The following PTPRD variants were observed in gnomAD, a reference collection of about 807,000 sequenced individuals.
The protein encoded by PTPRD is protein tyrosine phosphatase receptor type D.
Under a neutral mutation model 214.5 loss-of-function variants are expected in PTPRD, and 34 were observed. That is an observed-to-expected ratio of 0.16 (90% CI 0.12 to 0.21). The LOEUF is 0.21. Among genes scored for constraint, PTPRD ranks in the 10% least tolerant of loss-of-function variants. The pLI is 1.00. For synonymous variants in PTPRD, 1,128 were observed against 845.7 expected (o/e 1.33, Z -5.79); for missense variants, 2,545 against 2,398.7 (o/e 1.06, Z -1.27).
chr9:9,673,684 AC>A (rs922088640), intron 7 of PTPRD, among the ~76,000 whole-genome samples: 2 of 151,668 alleles, frequency 1.3e-5, no homozygotes, highest in African/African-American at 4.8e-5. Flanking sequence ...ATCTATAGAT[AC>A]AGGAATCAAA....
intron 5 of PTPRD, among the ~76,000 whole-genome samples, chr9:9,780,618 T>C (rs1437850987): frequency 2.0e-5 from 3 of 152,210 alleles, no homozygotes; most frequent in Non-Finnish European, 4.4e-5. Context: ...ACAGGCACTT[T>C]GGAAGACAGT....
chr9:8,787,784 T>A (rs1197103804), intron 11 of PTPRD, among the ~76,000 whole-genome samples: 4 of 152,070 alleles, frequency 2.6e-5, no homozygotes, highest in Admixed American at 2.6e-4. Context: ...ACTCTACCCT[T>A]TATGTCATGT....
chr9:9,920,575 A>T (rs1421603932), intron 5 of PTPRD, among the ~76,000 whole-genome samples: 1 of 152,046 alleles, frequency 6.6e-6, no homozygotes, highest in Admixed American at 6.6e-5. Context: ...AGCAACAATA[A>T]ATTTGTTACG....
chr9:9,311,331 T>A (rs556744927), intron 9 of PTPRD, among the ~76,000 whole-genome samples: 26 of 152,308 alleles, frequency 1.7e-4, no homozygotes, highest in African/African-American at 5.5e-4. Flanking sequence ...AAAAGATGTA[T>A]TGACTCTCAG....
chr9:10,122,929 C>A (rs571793939), intron 3 of PTPRD, among the ~76,000 whole-genome samples: 2 of 152,174 alleles, frequency 1.3e-5, no homozygotes, highest in Non-Finnish European at 2.9e-5. Flanking sequence ...AAAAAGATTG[C>A]GGCAGATATA....
intron 3 of PTPRD, among the ~76,000 whole-genome samples, chr9:10,162,370 A>G (rs992139200): frequency 2.6e-5 from 4 of 151,546 alleles, no homozygotes; most frequent in Admixed American, 1.3e-4. Context: ...AGCCATAAAA[A>G]GAACAAAATT....
chr9:10,284,144 A>C (rs1433330771), intron 3 of PTPRD, among the ~76,000 whole-genome samples: 1 of 152,174 alleles, frequency 6.6e-6, no homozygotes, highest in Non-Finnish European at 1.5e-5. Context: ...AATTCTGTGG[A>C]GTTAGGTGTC....
At chr9:9,989,016 CAAAAAAAAA>C (rs397836899) in intron 4 of PTPRD, among the ~76,000 whole-genome samples, 9 of 36,288 alleles carry the variant, frequency 2.5e-4, no homozygotes, top group African/African-American at 6.9e-4. Flanking sequence ...TTTCACTGAC[CAAAAAAAAA>C]AAAAAAAAAA....
rs558041645 is a variant in PTPRD at position 10,146,371 on chromosome 9, T to C, written c.-544-112581A>G. On this transcript the variant is annotated intron_variant, in intron 3 of 45. Transcript: ENST00000381196. ...TGGTTAATAAGACCAATAAAACCCC[T>C]GTCCTATATAAATTACAGTTTTTCA... Among the ~76,000 whole-genome samples, 17 of 152,118 alleles carry C rather than the reference T, an allele frequency of 1.1e-4. No homozygotes were observed. In the East Asian group the frequency reaches 3.1e-3, roughly 28 times the overall value.
intron 2 of PTPRD, among the ~76,000 whole-genome samples, chr9:10,556,754 C>T (rs1487577889): frequency 6.6e-6 from 1 of 151,892 alleles, no homozygotes; most frequent in Non-Finnish European, 1.5e-5. Context: ...GGATTAAAAT[C>T]TAAATATGAG....
chr9:9,732,101 T>A (rs1359522573), intron 7 of PTPRD, among the ~76,000 whole-genome samples: 1 of 152,014 alleles, frequency 6.6e-6, no homozygotes, highest in Non-Finnish European at 1.5e-5. Flanking sequence ...AATTTGGCCT[T>A]GAGGAATGAA....
At chr9:10,132,611 G>A (rs907671546) in intron 3 of PTPRD, among the ~76,000 whole-genome samples, 4 of 152,166 alleles carry the variant, frequency 2.6e-5, no homozygotes, top group Non-Finnish European at 5.9e-5. Flanking sequence ...CATAAGGATA[G>A]CTCTGCTATG....
intron 10 of PTPRD, among the ~76,000 whole-genome samples, chr9:9,079,695 T>C (rs1244184520): frequency 6.6e-6 from 1 of 152,042 alleles, no homozygotes; most frequent in African/African-American, 2.4e-5. Flanking sequence ...AGGCAGCTCT[T>C]GACAGCTGAC....
intron 2 of PTPRD, among the ~76,000 whole-genome samples, chr9:10,456,390 G>C (rs534907079): frequency 1.3e-5 from 2 of 151,836 alleles, no homozygotes; most frequent in East Asian, 3.9e-4. Context: ...TGATGGTGTT[G>C]GTTAGCACTA....
intron 6 of PTPRD, among the ~76,000 whole-genome samples, chr9:9,756,665 C>T (rs1453717210): frequency 1.3e-5 from 2 of 152,088 alleles, no homozygotes; most frequent in African/African-American, 4.8e-5. Context: ...TTTGTGAATA[C>T]ATTGTGAATG....
At chr9:10,409,499 C>A (rs779386206) in intron 2 of PTPRD, among the ~76,000 whole-genome samples, 15 of 151,644 alleles carry the variant, frequency 9.9e-5, no homozygotes, top group South Asian at 2.1e-4. Flanking sequence ...AGTTTAAATT[C>A]TTTCACCAAT....
chr9:9,204,809 C>G (rs1307873010), intron 9 of PTPRD, among the ~76,000 whole-genome samples: 1 of 151,912 alleles, frequency 6.6e-6, no homozygotes, highest in African/African-American at 2.4e-5. Context: ...TAAAAATGAC[C>G]AAAAGAAACC....
chr9:9,925,745 T>A (rs1438838941), intron 5 of PTPRD, among the ~76,000 whole-genome samples: 1 of 152,136 alleles, frequency 6.6e-6, no homozygotes, highest in African/African-American at 2.4e-5. Flanking sequence ...TGCACCTTTT[T>A]TCCTTTTATC....
chr9:9,954,141 C>G (rs2093689007), intron 4 of PTPRD, among the ~76,000 whole-genome samples: 1 of 151,310 alleles, frequency 6.6e-6, no homozygotes, highest in East Asian at 1.9e-4. Flanking sequence ...ACAAAAAATA[C>G]AAAAATTAGC....
Sources: allele counts gnomAD v4.1 joint callset (sites outside exome capture counted in the v4.1 genomes callset), GRCh38; gene constraint gnomAD v4.1.1; transcripts MANE v1.5; gene names NCBI Gene and HGNC (gene_info 2026-07-23, HGNC 2026-07-21).